Variants in WDR89 observed in about 807,000 individuals in gnomAD.
The protein encoded by WDR89 is WD repeat domain 89.
A neutral mutation model predicts 29.1 loss-of-function variants in WDR89; 17 were observed. The observed-to-expected ratio is 0.58, with a 90% CI of 0.40 to 0.88. The LOEUF (loss-of-function observed/expected upper bound fraction) is 0.88, where lower values mean the gene tolerates loss of function less well. Among genes scored for constraint, WDR89 ranks in the 40% least tolerant of loss-of-function variants. WDR89 has a pLI of 0.00. For missense variants in WDR89, 396 were observed against 456.3 expected, an observed-to-expected ratio of 0.87 and a Z score of 1.20; for synonymous variants, 138 against 157.8, an observed-to-expected ratio of 0.87 and a Z score of 0.94.
chr14:63,630,632 G>A (rs554209926), intron 1 of WDR89: 16 of 148,778 alleles, frequency 1.1e-4, no homozygotes, highest in African/African-American at 3.8e-4. Flanking sequence ...GACAGGGCGA[G>A]ACTCTGTCTC....
chr14:63,613,152 A>G (rs1409498478), intron 2 of WDR89, among the ~76,000 whole-genome samples: 1 of 152,190 alleles, frequency 6.6e-6, no homozygotes. Flanking sequence ...CCATAAAATG[A>G]AAGGAGTCGC....
At chr14:63,638,503 A>C (rs561108372) in intron 1 of WDR89, among the ~76,000 whole-genome samples, 2 of 152,374 alleles carry the variant, frequency 1.3e-5, no homozygotes, top group South Asian at 4.1e-4. Context: ...CTTAAATATA[A>C]TTCAAAACAG....
intron 2 of WDR89, among the ~76,000 whole-genome samples, chr14:63,600,800 A>T (rs1236214996): frequency 6.9e-6 from 1 of 145,968 alleles, no homozygotes; most frequent in East Asian, 2.2e-4. Context: ...ATCTGTGAAT[A>T]TGTTAGGTTA....
In WDR89 at chr14:63,599,843, T is replaced by A; in HGVS notation, c.100A>T (p.Thr34Ser). 6.2e-7 allele frequency: 1 copy of A among 1,614,162 alleles called. No homozygotes were observed. The highest frequency in any genetic ancestry group is 8.5e-7 in the Non-Finnish European group (1 of 1,180,034). ...AAGTTTTCCTTTCCTGCTTGGACAG[T>A]CTTTGATGTGTCTATACCAAGAAGG... ...TYLLGIDTSK[T>S]VQAGKENLVA... Residue 34 changes from threonine (T) to serine (S), a missense_variant, in exon 3 of 3, where the codon ACT becomes TCT. By Grantham distance (58) the Thr-to-Ser change is moderately conservative. Transcript: ENST00000620954.
At chr14:63,614,209 C>A (rs1433519194) in intron 2 of WDR89, among the ~76,000 whole-genome samples, 1 of 152,032 alleles carries the variant, frequency 6.6e-6, no homozygotes, top group Non-Finnish European at 1.5e-5. Context: ...AGTGACAAGG[C>A]CAGGGGCAAA....
intron 1 of WDR89, among the ~76,000 whole-genome samples, chr14:63,633,075 T>C (rs893527542): frequency 5.9e-5 from 9 of 152,108 alleles, no homozygotes; most frequent in African/African-American, 1.4e-4. Context: ...CATAAATTAA[T>C]TACCATGTTA....
At chr14:63,630,051 G>A (rs1048135464) in intron 1 of WDR89, among the ~76,000 whole-genome samples, 1 of 152,018 alleles carries the variant, frequency 6.6e-6, no homozygotes, top group Non-Finnish European at 1.5e-5. Context: ...AGGTTCAAGC[G>A]ATTTTCCTGT....
chr14:63,626,279 C>T (rs896211992), intron 1 of WDR89, among the ~76,000 whole-genome samples: 3 of 151,556 alleles, frequency 2.0e-5, no homozygotes, highest in African/African-American at 7.3e-5. Flanking sequence ...AGGTTAATAC[C>T]CTTACTATGC....
intron 2 of WDR89, among the ~76,000 whole-genome samples, chr14:63,618,887 G>C (rs1040358305): frequency 6.6e-6 from 1 of 151,996 alleles, no homozygotes; most frequent in Admixed American, 6.6e-5. Flanking sequence ...GCAACCCTCG[G>C]GGAAAAAAGG....
At chr14:63,603,411 T>G (rs533786547) in intron 2 of WDR89, among the ~76,000 whole-genome samples, 1 of 152,242 alleles carries the variant, frequency 6.6e-6, no homozygotes, top group Non-Finnish European at 1.5e-5. Context: ...ATGGAATTTT[T>G]TGAATATCCT....
At chr14:63,622,580 CA>C (rs1053857271) in intron 2 of WDR89, among the ~76,000 whole-genome samples, 1 of 151,642 alleles carries the variant, frequency 6.6e-6, no homozygotes, top group Non-Finnish European at 1.5e-5. Flanking sequence ...GACTTCATCT[CA>C]AAAAAACAAA....
chr14:63,637,664 G>A (rs1424907592), intron 1 of WDR89, among the ~76,000 whole-genome samples: 4 of 152,146 alleles, frequency 2.6e-5, no homozygotes, highest in Non-Finnish European at 4.4e-5. Context: ...TGACCTGGAT[G>A]AGACTGGAGA....
At chr14:63,626,676 C>CAAAAAAAAAAAAAAAAAAAAAAAAAAA (rs35582220) in intron 1 of WDR89, among the ~76,000 whole-genome samples, 1 of 34,550 alleles carries the variant, frequency 2.9e-5, no homozygotes. Context: ...GAGACTGTCT[C>CAAAAAAAAAAAAAAAAAAAAAAAAAAA]AAAAAAAAAA....
intron 2 of WDR89, among the ~76,000 whole-genome samples, chr14:63,606,105 A>G (rs1895308964): frequency 6.6e-6 from 1 of 151,570 alleles, no homozygotes. Context: ...AGGCCACCAC[A>G]TCCAGCTAAT....
chr14:63,635,458 C>T (rs1349416822), intron 1 of WDR89, among the ~76,000 whole-genome samples: 1 of 152,168 alleles, frequency 6.6e-6, no homozygotes, highest in South Asian at 2.1e-4. Context: ...TCAGCAAAAT[C>T]AGCATATAAG....
intron 2 of WDR89, chr14:63,621,810 A>G (rs779822544): frequency 6.6e-6 from 1 of 152,252 alleles, no homozygotes; most frequent in Non-Finnish European, 1.5e-5. Flanking sequence ...ACAGTCAGTT[A>G]CAGGTCAAAC....
At position 63,599,054 on chromosome 14, in the gene WDR89, T is replaced by G. The variant is rs1357333903; in HGVS notation, c.889A>C (p.Lys297Gln). Residue 297 changes from lysine (K) to glutamine (Q), a missense_variant, in exon 3 of 3, where the codon AAA becomes CAA. Physicochemically the swap from Lys to Gln is moderately conservative, Grantham distance 53. Coordinates refer to ENST00000620954, the MANE Select transcript of WDR89 (RefSeq NM_080666.4). ...DTLHVIGGTN[K>Q]GRIHLMNCSM... ...CAGTTCATCAAATGAATCCTTCCTTTGTTTGTTCCTCCAATAACATGCAAT... is the reference window on the plus strand; with the variant it reads ...CAGTTCATCAAATGAATCCTTCCTTGGTTTGTTCCTCCAATAACATGCAAT... The G allele has an allele frequency of 6.2e-7, 1 of 1,613,866 alleles. No homozygotes were observed.
At chr14:63,609,607 T>C (rs1217920515) in intron 2 of WDR89, among the ~76,000 whole-genome samples, 1 of 152,068 alleles carries the variant, frequency 6.6e-6, no homozygotes, top group Non-Finnish European at 1.5e-5. Flanking sequence ...CTGGCCAACA[T>C]GGTGAAATCC....
chr14:63,630,170 A>G (rs903781360), intron 1 of WDR89, among the ~76,000 whole-genome samples: 1 of 150,582 alleles, frequency 6.6e-6, no homozygotes, highest in Non-Finnish European at 1.5e-5. Flanking sequence ...CTGGTCTCGA[A>G]CTCCTGACAT....
Sources: gnomAD v4.1 joint callset for allele counts (sites outside exome capture counted in the v4.1 genomes callset) on GRCh38, gnomAD v4.1.1 for gene constraint, MANE v1.5 for transcripts, NCBI Gene and HGNC (gene_info 2026-07-23, HGNC 2026-07-21) for gene names.